The following TPH1 variants were observed in gnomAD, a reference collection of about 807,000 sequenced individuals.
TPH1 encodes the protein tryptophan hydroxylase 1, also known as tryptophan 5-hydroxylase 1.
In TPH1, 37 loss-of-function variants were observed where a neutral mutation model predicts 49.5. That is an observed-to-expected ratio of 0.75 (90% CI 0.58 to 0.98). TPH1 has a LOEUF of 0.98. Ranked by LOEUF, TPH1 falls within the 50% of genes least tolerant of loss-of-function variation. TPH1 has a pLI of 0.00. For synonymous variants in TPH1, 160 were observed against 182.1 expected (o/e 0.88, Z 0.98); for missense variants, 487 against 523.6 (o/e 0.93, Z 0.68).
At chr11:18,038,521 T>G (rs1848068377) in intron 2 of TPH1, among the ~76,000 whole-genome samples, 1 of 152,198 alleles carries the variant, frequency 6.6e-6, no homozygotes. Context: ...ATATCAAACA[T>G]GAGAGCAGCT....
rs1302333543 is a variant in TPH1, at chr11:18,044,330, G to A, written c.-27+1911C>T. Among the ~76,000 whole-genome samples, 5 of 152,186 alleles carry A rather than the reference G, an allele frequency of 3.3e-5. No individual in the cohort carries two copies. The East Asian group carries it at 9.7e-4, about 29-fold the overall frequency. ...CCAGCTACTTGGGAGGCTGAGGTAGGAGAATGGCTTGAACCTGGGAGGCGG... is the reference window on the plus strand; with the variant it reads ...CCAGCTACTTGGGAGGCTGAGGTAGAAGAATGGCTTGAACCTGGGAGGCGG... On this transcript the variant is annotated intron_variant, in intron 1 of 10. Transcript: ENST00000682019.
intron 1 of TPH1, among the ~76,000 whole-genome samples, chr11:18,045,534 T>C (rs2134037816): frequency 6.6e-6 from 1 of 150,458 alleles, no homozygotes; most frequent in East Asian, 2.0e-4. Context: ...CAAGTTCAAC[T>C]CTAGTCTTTT....
At chr11:18,044,409 A>G (rs141825037) in intron 1 of TPH1, among the ~76,000 whole-genome samples, 2,016 of 152,250 alleles carry the variant, frequency 0.013, 50 homozygotes, top group African/African-American at 0.047. Context: ...GTGACAGAGC[A>G]AGACTGCGTC....
In TPH1 at chr11:18,039,196, T is replaced by C. The variant is rs557855786; in HGVS notation, c.117+1450A>G. On this transcript the variant is annotated intron_variant, in intron 2 of 10. Coordinates refer to ENST00000682019, the MANE Select transcript of TPH1 (RefSeq NM_004179.3). ...CTTTGAAATATTCTTTGCAAACAGC[T>C]ATATAATAGTATGTCATATGATTAT... Among the ~76,000 whole-genome samples, 4 of 152,356 alleles carry C rather than the reference T, an allele frequency of 2.6e-5. No individual in the cohort carries two copies. In the South Asian group the frequency reaches 8.3e-4, roughly 32 times the overall value.
chr11:18,034,599 GATATATCAGTATTTTA>G (rs1174299641), intron 3 of TPH1, among the ~76,000 whole-genome samples: 6 of 152,096 alleles, frequency 3.9e-5, no homozygotes, highest in Non-Finnish European at 5.9e-5. Flanking sequence ...CAGAAGTGGA[GATATATCAGTATTTTA>G]ATAATTATAT....
chr11:18,025,325 T>G (rs920128661), intron 8 of TPH1, among the ~76,000 whole-genome samples: 3 of 152,174 alleles, frequency 2.0e-5, no homozygotes, highest in African/African-American at 7.2e-5. Flanking sequence ...AAAACAAATT[T>G]TCTTTTCCTT....
chr11:18,042,316 T>C (rs1848105066), intron 1 of TPH1: 1 of 451,392 alleles, frequency 2.2e-6, no homozygotes, highest in African/African-American at 2.0e-5. Flanking sequence ...AGATAAGCAT[T>C]CTCAAAATGT....
At chr11:18,042,438 A>G in intron 1 of TPH1, 1 of 414,254 alleles carries the variant, frequency 2.4e-6, no homozygotes, top group African/African-American at 2.1e-5. Flanking sequence ...TAAAGCGTGA[A>G]AATGTAAACA....
chr11:18,025,345 T>A (rs887379637), intron 8 of TPH1, among the ~76,000 whole-genome samples: 1 of 152,096 alleles, frequency 6.6e-6, no homozygotes, highest in African/African-American at 2.4e-5. Context: ...TTCTTTACTC[T>A]TCTCTTCTCT....
rs1847922660 is a variant in TPH1, at chr11:18,025,679, C to G, written c.826G>C (p.Gly276Arg). 6.2e-7 allele frequency: 1 copy of G among 1,613,830 alleles called. No homozygotes were observed. Among genetic ancestry groups the G allele is most frequent in the African/African-American group, 1.3e-5 (1 of 74,890 alleles). Residue 276 changes from glycine (G) to arginine (R), a missense_variant, in exon 8 of 11, where the codon GGT (glycine) becomes CGT (arginine). Transcript: ENST00000682019. ...GGTTCAGCCAAAAGCGGGACATGAC[C>G]TAAGAGTTCATGGCAGGTATCTCTG... is the stretch of plus-strand genomic sequence containing the variant. ...PEPDTCHELLGHVPLLAEPSF... is the reference protein window; with the variant it reads ...PEPDTCHELLRHVPLLAEPSF...
chr11:18,020,891 C>T lies in TPH1; in HGVS notation c.*100G>A. The T allele has an allele frequency of 8.8e-7, 1 of 1,132,652 alleles. No homozygotes were observed. The highest frequency in any genetic ancestry group is 1.3e-6 in the Non-Finnish European group (1 of 744,972). 70.2% of individuals were successfully genotyped at this position (1,132,652 alleles called of 1,614,324 possible). A position where few individuals can be genotyped will look rare whatever the true frequency, so the allele number is the denominator to read the frequency against. On this transcript the variant is annotated 3_prime_UTR_variant, in exon 11 of 11. Coordinates refer to ENST00000682019, the MANE Select transcript of TPH1 (RefSeq NM_004179.3). ...GTGGAATTCGATAATATTGTTTGGC[C>T]AGAAGATGCTGTCCCTCCAGGATCA...
In TPH1 at chr11:18,019,240, T is replaced by C. The variant is rs1391992446; in HGVS notation, c.*1751A>G. On this transcript the variant is annotated 3_prime_UTR_variant, in exon 11 of 11. Transcript: ENST00000682019. ...TAAGAAGTGTTAAAAGATCTATTAGTCTGTTGAAATAAAACACATTAAATG... is the reference window on the plus strand; with the variant it reads ...TAAGAAGTGTTAAAAGATCTATTAGCCTGTTGAAATAAAACACATTAAATG... 1.9e-5 allele frequency: 3 copies of C among 153,950 alleles called. No individual in the cohort carries two copies. Among genetic ancestry groups the C allele is most frequent in the Non-Finnish European group, 2.9e-5 (2 of 69,288 alleles). The allele number at this position is 153,950 out of a possible 1,614,324, so 9.5% of individuals were successfully genotyped here.
At chr11:18,040,511 G>A (rs1343836350) in intron 2 of TPH1, 135 bp downstream of exon 2, 14 of 788,060 alleles carry the variant, frequency 1.8e-5, no homozygotes, top group Middle Eastern at 4.0e-4. Context: ...GGAACTACAG[G>A]AGTCCACCAC....
chr11:18,032,879 A>G lies in TPH1; in HGVS notation c.402+395T>C, dbSNP rs551664193. On this transcript the variant is annotated intron_variant, in intron 4 of 10. Coordinates refer to ENST00000682019, the MANE Select transcript of TPH1 (RefSeq NM_004179.3). The stretch of plus-strand genomic sequence containing the variant: ...GAAATCTTGATTAAAACAATGTCTC[A>G]TTTAGTCTAGAAAAAACACTTTCTC... Among the ~76,000 whole-genome samples the G allele has an allele frequency of 2.0e-4, 30 of 152,222 alleles. 1 individual carries two copies. Among genetic ancestry groups the G allele is most frequent in the Middle Eastern group, 6.8e-3 (2 of 294 alleles).
At chr11:18,039,491 C>T (rs1360384387) in intron 2 of TPH1, among the ~76,000 whole-genome samples, 2 of 152,164 alleles carry the variant, frequency 1.3e-5, no homozygotes, top group African/African-American at 4.8e-5. Flanking sequence ...AATTCAACAT[C>T]CCCTATATTA....
rs1163221284 is a variant in TPH1 at position 18,021,166 on chromosome 11, CTATT to C, written c.1161-5_1161-2del. The C allele has an allele frequency of 1.2e-6, 2 of 1,613,102 alleles. No individual in the cohort carries two copies. Among genetic ancestry groups the C allele is most frequent in the Non-Finnish European group, 1.7e-6 (2 of 1,179,114 alleles). ...ACGCTTAATTGTTTTGGTAAATTCT[CTATT>C]TAAGAAAACAAATAGGAGACAATCA... On this transcript the variant is annotated splice_acceptor_variant and splice_polypyrimidine_tract_variant and intron_variant, in intron 10 of 10. Coordinates refer to ENST00000682019, the MANE Select transcript of TPH1 (RefSeq NM_004179.3). LOFTEE classifies it high-confidence loss of function.
chr11:18,040,610 A>C, intron 2 of TPH1, 36 bp downstream of exon 2: 15 of 1,587,572 alleles, frequency 9.4e-6, no homozygotes, highest in Non-Finnish European at 1.3e-5. Flanking sequence ...ATTCATTTCT[A>C]GAAGAATTCT....
At chr11:18,036,758 T>G (rs1455723348) in intron 2 of TPH1, among the ~76,000 whole-genome samples, 1 of 152,174 alleles carries the variant, frequency 6.6e-6, no homozygotes, top group Non-Finnish European at 1.5e-5. Flanking sequence ...TAATGAAACA[T>G]GAGCACTAAT....
rs754612963 is a variant in TPH1, at chr11:18,029,548, C to G, written c.434G>C (p.Arg145Pro). Residue 145 changes from arginine (R) to proline (P), a missense_variant, in exon 5 of 11, where the codon CGA becomes CCA. Coordinates refer to ENST00000682019, the MANE Select transcript of TPH1 (RefSeq NM_004179.3). Reference sequence around the variant, plus strand: ...CATAGCCAAGTCCGCAAAATACTTTCGACGTTTACGGTAGACATTGTCTTT... The same window carrying G: ...CATAGCCAAGTCCGCAAAATACTTTGGACGTTTACGGTAGACATTGTCTTT... ...GFKDNVYRKR[R>P]KYFADLAMNY... is the part of the protein sequence containing the mutation. 10 of 1,613,098 alleles carry G rather than the reference C, an allele frequency of 6.2e-6. No individual in the cohort carries two copies. The highest frequency in any genetic ancestry group is 2.2e-5 in the East Asian group (1 of 44,836).
Sources: gnomAD v4.1 joint callset for allele counts (sites outside exome capture counted in the v4.1 genomes callset) on GRCh38, gnomAD v4.1.1 for gene constraint, MANE v1.5 for transcripts, NCBI Gene and HGNC (gene_info 2026-07-23, HGNC 2026-07-21) for gene names.